The following EEF2KMT variants were observed in gnomAD, a reference collection of about 807,000 sequenced individuals.
EEF2KMT encodes protein-lysine N-methyltransferase EEF2KMT.
Under a neutral mutation model 35.1 loss-of-function variants are expected in EEF2KMT, and 30 were observed. The ratio of observed to expected loss-of-function variants is 0.85; its 90% CI spans 0.64 to 1.16. The LOEUF is 1.16. Among genes scored for constraint, EEF2KMT ranks in the 50% most tolerant of loss-of-function variants. The probability of loss-of-function intolerance (pLI) is 0.00; values close to 1 mark genes in which losing one functional copy is unlikely to be tolerated. For synonymous variants in EEF2KMT, 190 were observed against 187.7 expected, an observed-to-expected ratio of 1.01 and a Z score of -0.10; for missense variants, 499 against 438.2, an observed-to-expected ratio of 1.14 and a Z score of -1.24.
At position 5,090,092 on chromosome 16, in the gene EEF2KMT, A is replaced by G; in HGVS notation, c.734T>C (p.Ile245Thr). ...CCGGGGCTGGGCATTACCTGCTGCA[A>G]TGACAACATCTGGCTGGAAGGCAGA... ...QLSAFQPDVV[I>T]AADVLYCPEA... is the part of the protein sequence containing the mutation. Residue 245 changes from isoleucine (I) to threonine (T), a missense_variant, in exon 6 of 8, where the codon ATT becomes ACT. Coordinates refer to ENST00000427587, the MANE Select transcript of EEF2KMT (RefSeq NM_201400.4). This position sits in a 1 kb window ranked among gnomAD's most constrained non-coding sequence, Gnocchi z 4.1. The G allele has an allele frequency of 3.1e-6, 5 of 1,605,442 alleles. No individual in the cohort carries two copies. Among genetic ancestry groups the G allele is most frequent in the Non-Finnish European group, 4.2e-6 (5 of 1,179,830 alleles).
rs768403270 is a variant in EEF2KMT at position 5,090,505 on chromosome 16, C to G, written c.403G>C (p.Gly135Arg). The change falls in exon 5 of 8, where the codon GGC becomes CGC. Residue 135 changes from glycine (G) to arginine (R), a missense_variant. Coordinates refer to ENST00000427587, the MANE Select transcript of EEF2KMT (RefSeq NM_201400.4). The surrounding 1 kb of genome is among the most constrained non-coding windows in gnomAD (Gnocchi z 4.1). ...AGGGCGGCGTCCCATGTGACCAGGC[C>G]TGTGGTACCGTAGGAGATGATGGCC... ...STAIISYGTT[G>R]LVTWDAALYL... 6.2e-7 allele frequency: 1 copy of G among 1,612,022 alleles called. No homozygotes were observed. The highest frequency in any genetic ancestry group is 2.3e-4 in the Middle Eastern group (1 of 4,430).
intron 7 of EEF2KMT, 101 bp from the exon 8 acceptor site, chr16:5,085,833 T>G (rs1000237447): frequency 2.2e-6 from 2 of 928,560 alleles, no homozygotes; most frequent in African/African-American, 1.6e-5. Flanking sequence ...GGTAGGGGGG[T>G]GTCCAAGTCA....
chr16:5,089,183 G>C lies in EEF2KMT; in HGVS notation c.816C>G (p.His272Gln), dbSNP rs1405496246. ...CCACGTAGACCTCAGGAGCCCGCTGGTGCTCCCGGCAGGCAGCCAGCCTCC... is the reference window on the plus strand; with the variant it reads ...CCACGTAGACCTCAGGAGCCCGCTGCTGCTCCCGGCAGGCAGCCAGCCTCC... The part of the protein sequence containing the change: ...VLRRLAACRE[H>Q]QRAPEVYVAF... Residue 272 changes from histidine (H) to glutamine (Q), a missense_variant, in exon 7 of 8, where the codon CAC becomes CAG. His to Gln is a conservative substitution (Grantham distance 24). Coordinates refer to ENST00000427587, the MANE Select transcript of EEF2KMT (RefSeq NM_201400.4). 6.2e-7 allele frequency: 1 copy of C among 1,611,844 alleles called. No individual in the cohort carries two copies. Among genetic ancestry groups the C allele is most frequent in the East Asian group, 2.2e-5 (1 of 44,880 alleles).
At chr16:5,096,617 C>A (rs542724062) in intron 1 of EEF2KMT, among the ~76,000 whole-genome samples, 3 of 152,178 alleles carry the variant, frequency 2.0e-5, no homozygotes, top group Non-Finnish European at 4.4e-5. Context: ...GTCACTTGCC[C>A]AAGGTCACAC....
chr16:5,090,674 C>T lies in EEF2KMT; in HGVS notation c.343-109G>A, dbSNP rs763394346. ...AATAAACCATGACAGGACCAATCGC[C>T]ACTCAGCAATGAGAAGCAGCTAACT... On this transcript the variant is annotated intron_variant, in intron 4 of 7. Coordinates refer to ENST00000427587, the MANE Select transcript of EEF2KMT (RefSeq NM_201400.4). This position sits in a 1 kb window ranked among gnomAD's most constrained non-coding sequence, Gnocchi z 4.1. 9 of 1,435,056 alleles carry T rather than the reference C, an allele frequency of 6.3e-6. No individual in the cohort carries two copies. The highest frequency in any genetic ancestry group is 1.4e-5 in the African/African-American group (1 of 70,724). The allele number at this position is 1,435,056 out of a possible 1,614,324, so 88.9% of individuals were successfully genotyped here.
chr16:5,090,503 G>C lies in EEF2KMT; in HGVS notation c.405C>G (p.Gly135=), dbSNP rs1957320043. The change falls in exon 5 of 8, where the codon GGC becomes GGG. Residue 135 remains glycine (G), a synonymous_variant. Coordinates refer to ENST00000427587, the MANE Select transcript of EEF2KMT (RefSeq NM_201400.4). The surrounding 1 kb of genome is among the most constrained non-coding windows in gnomAD (Gnocchi z 4.1). ...AGAGGGCGGCGTCCCATGTGACCAG[G>C]CCTGTGGTACCGTAGGAGATGATGG... ...STAIISYGTT[G]LVTWDAALYL... is the part of the protein sequence containing the mutation. 6.2e-7 allele frequency: 1 copy of C among 1,611,908 alleles called. No homozygotes were observed.
chr16:5,090,638 C>A lies in EEF2KMT; in HGVS notation c.343-73G>T. 3 of 1,589,952 alleles carry A rather than the reference C, an allele frequency of 1.9e-6. No individual in the cohort carries two copies. The highest frequency in any genetic ancestry group is 2.6e-6 in the Non-Finnish European group (3 of 1,162,688). On this transcript the variant is annotated intron_variant, in intron 4 of 7. Coordinates refer to ENST00000427587, the MANE Select transcript of EEF2KMT (RefSeq NM_201400.4). The surrounding 1 kb of genome is among the most constrained non-coding windows in gnomAD (Gnocchi z 4.1). ...GTGGCTTAGAAGACAAGTAGCCCCACCACATGGCTGAATAAACCATGACAG... is the reference window on the plus strand; with the variant it reads ...GTGGCTTAGAAGACAAGTAGCCCCAACACATGGCTGAATAAACCATGACAG...
intron 1 of EEF2KMT, among the ~76,000 whole-genome samples, chr16:5,097,026 A>T (rs1365581959): frequency 6.6e-6 from 1 of 152,208 alleles, no homozygotes; most frequent in Non-Finnish European, 1.5e-5. Flanking sequence ...ACCGCACATG[A>T]ATTACAAATG....
intron 1 of EEF2KMT, among the ~76,000 whole-genome samples, chr16:5,095,816 A>G (rs1957448394): frequency 9.3e-6 from 1 of 107,590 alleles, no homozygotes; most frequent in Non-Finnish European, 2.0e-5. Context: ...CCATGGCACC[A>G]AGGTTTGATG....
rs539938147 is a variant in EEF2KMT, at chr16:5,090,758, C to G, written c.343-193G>C. On this transcript the variant is annotated intron_variant, in intron 4 of 7. Coordinates refer to ENST00000427587, the MANE Select transcript of EEF2KMT (RefSeq NM_201400.4). This position sits in a 1 kb window ranked among gnomAD's most constrained non-coding sequence, Gnocchi z 4.1. ...GGTGTCACGCGGTGTGAAAGACACT[C>G]ATCTCAGGCCACACAGGATTCCATT... Among the ~76,000 whole-genome samples the G allele has an allele frequency of 6.6e-6, 1 of 152,024 alleles. No individual in the cohort carries two copies. The highest frequency in any genetic ancestry group is 1.5e-5 in the Non-Finnish European group (1 of 67,996).
chr16:5,087,767 C>G (rs1183094222), intron 7 of EEF2KMT, among the ~76,000 whole-genome samples: 21 of 143,384 alleles, frequency 1.5e-4, no homozygotes, highest in Non-Finnish European at 1.1e-4. Flanking sequence ...CCACTGCACT[C>G]CAGCCTGGGC....
intron 2 of EEF2KMT, among the ~76,000 whole-genome samples, chr16:5,095,196 A>G (rs1479525951): frequency 6.6e-6 from 1 of 152,252 alleles, no homozygotes; most frequent in Non-Finnish European, 1.5e-5. Context: ...ATGGTTTAAA[A>G]AACATTCCCT....
At chr16:5,095,281 G>A (rs1025573632) in intron 2 of EEF2KMT, 171 bp downstream of exon 2, 11 of 891,038 alleles carry the variant, frequency 1.2e-5, no homozygotes, top group Non-Finnish European at 6.9e-6. Flanking sequence ...AAACGAAAGC[G>A]CTGGAGCTGT....
At chr16:5,085,999 G>A (rs532464961) in intron 7 of EEF2KMT, among the ~76,000 whole-genome samples, 7 of 152,292 alleles carry the variant, frequency 4.6e-5, no homozygotes, top group African/African-American at 9.6e-5. Flanking sequence ...TTGGCACAGC[G>A]GGACAGAAGC....
rs1332356980 is a variant in EEF2KMT, at chr16:5,090,218, A to G, written c.608T>C (p.Leu203Pro). Residue 203 changes from leucine (L) to proline (P), a missense_variant, in exon 6 of 8, where the codon CTC (leucine) becomes CCC (proline). Transcript: ENST00000427587. The surrounding 1 kb of genome is among the most constrained non-coding windows in gnomAD (Gnocchi z 4.1). ...GTCTGCCTCTAATGAGAGGCCATTG[A>G]GAAGGACATTCCCTCGGAGCTGCTC... ...VLEQLRGNVL[L>P]NGLSLEADIT... 6.2e-7 allele frequency: 1 copy of G among 1,611,972 alleles called. No individual in the cohort carries two copies. Among genetic ancestry groups the G allele is most frequent in the Non-Finnish European group, 8.5e-7 (1 of 1,179,844 alleles).
At position 5,085,659 on chromosome 16, in the gene EEF2KMT, C is replaced by T. The variant is rs751858067; in HGVS notation, c.966G>A (p.Glu322=). 2.5e-6 allele frequency: 4 copies of T among 1,611,346 alleles called. No individual in the cohort carries two copies. In the African/African-American group the frequency reaches 5.3e-5, roughly 22 times the overall value. ...QKLFPYEEHL[E]MAMLNLTL ...ACAGGGTGAGATTCAGCATTGCCATCTCCAAGTGCTCTTCGTAGGGAAACA... is the reference window on the plus strand; with the variant it reads ...ACAGGGTGAGATTCAGCATTGCCATTTCCAAGTGCTCTTCGTAGGGAAACA... Residue 322 remains glutamate (E), a synonymous_variant, in exon 8 of 8, where the codon GAG becomes GAA. Transcript: ENST00000427587.
chr16:5,091,913 G>A lies in EEF2KMT; in HGVS notation c.241-18C>T, dbSNP rs1469352199. 1 of 1,611,328 alleles carries A rather than the reference G, an allele frequency of 6.2e-7. No homozygotes were observed. Among genetic ancestry groups the A allele is most frequent in the South Asian group, 1.1e-5 (1 of 90,966 alleles). ...GCCTCGTGCTGGGGGCAGACAGAGT[G>A]AGAGCTTGTTTGCTTTCGTTCTAAT... On this transcript the variant is annotated intron_variant, in intron 3 of 7. Coordinates refer to ENST00000427587, the MANE Select transcript of EEF2KMT (RefSeq NM_201400.4).
chr16:5,092,008 G>A (rs1957350249), intron 3 of EEF2KMT, 113 bp from the exon 4 acceptor site: 4 of 1,532,336 alleles, frequency 2.6e-6, no homozygotes, highest in Non-Finnish European at 3.5e-6. Flanking sequence ...TATAATACCG[G>A]CCAGCTGCCA....
At position 5,087,722 on chromosome 16, in the gene EEF2KMT, TG is replaced by T. The variant is rs1220754076; in HGVS notation, c.892+1384del. Among the ~76,000 whole-genome samples, 3 of 134,922 alleles carry T rather than the reference TG, an allele frequency of 2.2e-5. No individual in the cohort carries two copies. In the East Asian group the frequency reaches 7.3e-4, roughly 33 times the overall value. 88.5% of individuals were successfully genotyped at this position (134,922 alleles called of 152,430 possible). A position where few individuals can be genotyped will look rare whatever the true frequency, so the allele number is the denominator to read the frequency against. The stretch of plus-strand genomic sequence containing the variant: ...CTGAGATGGGAGGATAGCTTGAACC[TG>T]GGAGGTGGGAGGTTGCAGTGGGCCG... On this transcript the variant is annotated intron_variant, in intron 7 of 7. Coordinates refer to ENST00000427587, the MANE Select transcript of EEF2KMT (RefSeq NM_201400.4).
Sources: gnomAD v4.1 joint callset for allele counts (sites outside exome capture counted in the v4.1 genomes callset) on GRCh38, gnomAD v4.1.1 for gene constraint, Gnocchi (gnomAD v3.1) non-coding constraint, MANE v1.5 for transcripts, NCBI Gene and HGNC (gene_info 2026-07-23, HGNC 2026-07-21) for gene names.